The following AQR variants were observed in gnomAD, a reference collection of about 807,000 sequenced individuals.
AQR encodes aquarius intron-binding spliceosomal factor, also known as RNA helicase aquarius.
AQR carries 61 observed loss-of-function variants against 180.5 expected under a neutral mutation model. The observed-to-expected ratio is 0.34, with a 90% CI of 0.28 to 0.42. The LOEUF (loss-of-function observed/expected upper bound fraction) is 0.42, where lower values mean the gene tolerates loss of function less well. Among genes scored for constraint, AQR ranks in the 10% least tolerant of loss-of-function variants. AQR has a pLI of 1.00. For synonymous variants in AQR, 551 were observed against 588.8 expected, an observed-to-expected ratio of 0.94 and a Z score of 0.93; for missense variants, 1,281 against 1,798.3, an observed-to-expected ratio of 0.71 and a Z score of 5.20.
At chr15:34,922,290 A>C (rs1893695382) in intron 13 of AQR, among the ~76,000 whole-genome samples, 2 of 152,204 alleles carry the variant, frequency 1.3e-5, no homozygotes. Context: ...ATATTTGTGT[A>C]GTCCAGTTTT....
Position 34,904,397 on chromosome 15 carries a change from T to C in AQR, c.1940A>G (p.Glu647Gly). Residue 647 changes from glutamate to glycine, a missense_variant, in exon 19 of 35, where the codon GAG (glutamate) becomes GGG (glycine). Physicochemically the swap from Glu to Gly is moderately conservative, Grantham distance 98. Around this residue, in one of 9 missense-constraint regions of AQR, gnomAD observed 200 missense variants for 293.4 expected, o/e 0.68. Coordinates refer to ENST00000156471, the MANE Select transcript of AQR (RefSeq NM_014691.3). ...DMTNTIQNGA[E>G]DVYETFNIIM... Reference sequence around the variant, plus strand: ...TATATTAAAAGTTTCATACACATCCTCTGCTCCATTTTGTATAGTATTGGT... The same window carrying C: ...TATATTAAAAGTTTCATACACATCCCCTGCTCCATTTTGTATAGTATTGGT... 6.2e-7 allele frequency: 1 copy of C among 1,610,284 alleles called. No individual in the cohort carries two copies. The highest frequency in any genetic ancestry group is 8.5e-7 in the Non-Finnish European group (1 of 1,177,802).
rs1449799529 is a variant in AQR, at chr15:34,897,598, A to G, written c.2351T>C (p.Ile784Thr). The change falls in exon 21 of 35, where the codon ATT becomes ACT. Residue 784 changes from isoleucine (I) to threonine (T), a missense_variant. Ile to Thr is a moderately conservative substitution (Grantham distance 89, BLOSUM62 -1). Transcript: ENST00000156471. ...ATAAGGATAAGGACCCCTATTAGGA[A>G]TAACATGGGGCTCAACAATTAAGGT... Reference protein sequence around the residue: ...AKTLIVEPHVIPNRGPYPYNQ... With the variant: ...AKTLIVEPHVTPNRGPYPYNQ... 1.2e-6 allele frequency: 2 copies of G among 1,613,998 alleles called. No homozygotes were observed. Among genetic ancestry groups the G allele is most frequent in the Non-Finnish European group, 8.5e-7 (1 of 1,180,010 alleles).
Position 34,924,651 on chromosome 15 carries a change from G to A in AQR, c.1118+2384C>T, listed in dbSNP as rs1417628919. On this transcript the variant is annotated intron_variant, in intron 13 of 34. Coordinates refer to ENST00000156471, the MANE Select transcript of AQR (RefSeq NM_014691.3). ...TCACCATGTTCGCCAGGCTGGTCTC[G>A]AACTCCTGACCTCAGGTGATCCGCC... is the stretch of plus-strand genomic sequence containing the variant. Among the ~76,000 whole-genome samples the A allele has an allele frequency of 3.3e-5, 5 of 151,778 alleles. 1 individual carries two copies. The highest frequency in any genetic ancestry group is 2.4e-5 in the African/African-American group (1 of 41,254).
intron 27 of AQR, 71 bp from the exon 28 acceptor site, chr15:34,876,077 CA>C (rs35604928): frequency 3.0e-5 from 32 of 1,083,636 alleles, no homozygotes; most frequent in Admixed American, 6.0e-5. Context: ...ACATAATCAT[CA>C]AAAAAACCCC....
chr15:34,865,652 A>C (rs1892729799), intron 32 of AQR, among the ~76,000 whole-genome samples: 1 of 152,252 alleles, frequency 6.6e-6, no homozygotes, highest in Admixed American at 6.5e-5. Flanking sequence ...CACAAAGTGG[A>C]AACAACCCAA....
At position 34,862,868 on chromosome 15, in the gene AQR, T is replaced by C. The variant is rs746678116; in HGVS notation, c.4028A>G (p.Lys1343Arg). Residue 1343 changes from lysine to arginine, a missense_variant and splice_region_variant, in exon 33 of 35, where the codon AAG (lysine) becomes AGG (arginine). By Grantham distance (26) the Lys-to-Arg change is conservative (BLOSUM62 2). Transcript: ENST00000156471. Reference protein sequence around the residue: ...IPTEPFPTTRKNGERPSHEVQ... With the variant: ...IPTEPFPTTRRNGERPSHEVQ... ...ATAAAATGAAGAAAGAAGTCCTACC[T>C]TTCTAGTAGTTGGGAAAGGTTCTGT... 3 of 1,613,402 alleles carry C rather than the reference T, an allele frequency of 1.9e-6. No individual in the cohort carries two copies. The highest frequency in any genetic ancestry group is 2.5e-6 in the Non-Finnish European group (3 of 1,179,600).
chr15:34,960,577 T>C (rs1275899691), intron 3 of AQR, among the ~76,000 whole-genome samples, 197 bp downstream of exon 3: 2 of 152,196 alleles, frequency 1.3e-5, no homozygotes, highest in African/African-American at 4.8e-5. Flanking sequence ...ATTTGATACC[T>C]CTAATCTGAG....
intron 32 of AQR, among the ~76,000 whole-genome samples, chr15:34,866,010 CATTGA>C (rs1337100650): frequency 1.1e-4 from 17 of 151,984 alleles, no homozygotes; most frequent in African/African-American, 3.6e-4. Context: ...ACAAAAAAAT[CATTGA>C]ATTGTACACT....
intron 8 of AQR, among the ~76,000 whole-genome samples, chr15:34,939,194 G>T (rs557568064): frequency 1.3e-5 from 2 of 149,492 alleles, no homozygotes; most frequent in South Asian, 4.2e-4. Context: ...TCAGCCTCTC[G>T]AGTAGCTGGG....
intron 11 of AQR, among the ~76,000 whole-genome samples, chr15:34,931,643 C>A (rs1047468906): frequency 6.6e-6 from 1 of 152,098 alleles, no homozygotes; most frequent in African/African-American, 2.4e-5. Context: ...CCTGTCTCTA[C>A]TAAAAATACA....
At position 34,952,881 on chromosome 15, in the gene AQR, T is replaced by G. The variant is rs1206803618; in HGVS notation, c.209+4A>C. 1 of 1,467,430 alleles carries G rather than the reference T, an allele frequency of 6.8e-7. No homozygotes were observed. The highest frequency in any genetic ancestry group is 9.4e-7 in the Non-Finnish European group (1 of 1,066,714). The allele number at this position is 1,467,430 out of a possible 1,614,324, so 90.9% of individuals were successfully genotyped here. ...TTTCATCAATGGAATGCCTTATAAC[T>G]TACCTAAATTCCAAGAGCATTATCT... On this transcript the variant is annotated splice_donor_region_variant and intron_variant, in intron 4 of 34. Transcript: ENST00000156471.
intron 30 of AQR, among the ~76,000 whole-genome samples, chr15:34,872,299 T>C (rs1041988226): frequency 1.3e-5 from 2 of 152,184 alleles, no homozygotes; most frequent in Non-Finnish European, 2.9e-5. Context: ...CTTAAATGCA[T>C]AGTATTCTTA....
rs1363720130 is a variant in AQR at position 34,870,868 on chromosome 15, C to T, written c.3652G>A (p.Gly1218Ser). 6.2e-7 allele frequency: 1 copy of T among 1,612,962 alleles called. No individual in the cohort carries two copies. Among genetic ancestry groups the T allele is most frequent in the Non-Finnish European group, 8.5e-7 (1 of 1,179,500 alleles). ...VALFMYMCLL[G>S]YPADKISILT... ...ATACTGATTTTGTCAGCAGGGTAACCAAGTAAACACATGTACATAAAAAGT... is the reference window on the plus strand; with the variant it reads ...ATACTGATTTTGTCAGCAGGGTAACTAAGTAAACACATGTACATAAAAAGT... Residue 1218 changes from glycine (G) to serine (S), a missense_variant, in exon 31 of 35, where the codon GGT (glycine) becomes AGT (serine). Around this residue, in one of 9 missense-constraint regions of AQR, gnomAD observed 197 missense variants for 320.7 expected, o/e 0.61. Transcript: ENST00000156471.
chr15:34,897,756 A>G, intron 20 of AQR, 51 bp from the exon 21 acceptor site: 1 of 1,589,100 alleles, frequency 6.3e-7, no homozygotes, highest in Non-Finnish European at 8.6e-7. Context: ...GGATTTACTG[A>G]GTACCTATCT....
intron 9 of AQR, among the ~76,000 whole-genome samples, chr15:34,936,153 CT>C (rs34137934): frequency 6.6e-6 from 1 of 152,154 alleles, no homozygotes; most frequent in Non-Finnish European, 1.5e-5. Flanking sequence ...TATACTGTAA[CT>C]TTTTTTCCCT....
intron 26 of AQR, among the ~76,000 whole-genome samples, chr15:34,884,011 C>T (rs939398145): frequency 2.6e-5 from 4 of 152,142 alleles, no homozygotes; most frequent in East Asian, 1.9e-4. Flanking sequence ...AATTTCTTGA[C>T]GGAAGCATTC....
rs1379927249 is a variant in AQR at position 34,854,070 on chromosome 15, T to G, written c.*2722A>C. The G allele has an allele frequency of 6.6e-6, 1 of 151,920 alleles. No individual in the cohort carries two copies. Among genetic ancestry groups the G allele is most frequent in the Non-Finnish European group, 1.5e-5 (1 of 67,972 alleles). 9.4% of individuals were successfully genotyped at this position (151,920 alleles called of 1,614,324 possible). On this transcript the variant is annotated 3_prime_UTR_variant, in exon 35 of 35. Transcript: ENST00000156471. ...ACCAACTTTGGGAGTCTTGATGATG[T>G]TTAAATCTTCTCATTCATTTGCCTA...
chr15:34,908,199 C>A (rs762774788), intron 17 of AQR, among the ~76,000 whole-genome samples: 1 of 152,180 alleles, frequency 6.6e-6, no homozygotes, highest in Non-Finnish European at 1.5e-5. Context: ...CGCCTGTAAT[C>A]CCAGCACTTT....
intron 11 of AQR, among the ~76,000 whole-genome samples, chr15:34,930,818 C>CT (rs77229498): frequency 0.014 from 1,221 of 84,636 alleles, 47 homozygotes; most frequent in Admixed American, 0.027. Context: ...TACGCCACTT[C>CT]TTTTTTTTTT....
Sources: allele counts gnomAD v4.1 joint callset (sites outside exome capture counted in the v4.1 genomes callset), GRCh38; gene constraint gnomAD v4.1.1; regional missense constraint gnomAD v4.1.1; transcripts MANE v1.5; gene names NCBI Gene and HGNC (gene_info 2026-07-23, HGNC 2026-07-21).